RBFOX1: variants seen among roughly 807,000 people sequenced by gnomAD.
RBFOX1 encodes RNA binding protein fox-1 homolog 1.
In RBFOX1, 8 loss-of-function variants were observed where a neutral mutation model predicts 57.7. The ratio of observed to expected loss-of-function variants is 0.14; its 90% CI spans 0.08 to 0.25. The LOEUF is 0.25. RBFOX1 is among the 10% of genes least tolerant of loss of function. The pLI is 1.00. For synonymous variants in RBFOX1, 326 were observed against 222.4 expected, an observed-to-expected ratio of 1.47 and a Z score of -4.15; for missense variants, 611 against 548.5, an observed-to-expected ratio of 1.11 and a Z score of -1.14.
rs71406388 is a variant in RBFOX1, at chr16:6,655,373, C to CAAAAAAAAAAAAAAAAAAAAAAAAA, written c.-16+729_-16+753dup. 2.1e-4 allele frequency among the ~76,000 whole-genome samples: 7 copies of CAAAAAAAAAAAAAAAAAAAAAAAAA among 33,686 alleles called. 2 individuals are homozygous for CAAAAAAAAAAAAAAAAAAAAAAAAA. The highest frequency in any genetic ancestry group is 2.8e-4 in the Non-Finnish European group (5 of 17,624). 22.1% of individuals were successfully genotyped at this position (33,686 alleles called of 152,430 possible). A position where few individuals can be genotyped will look rare whatever the true frequency, so the allele number is the denominator to read the frequency against. The stretch of plus-strand genomic sequence containing the variant: ...TGAGTGACAAAATAAGCCTCCGTTT[C>CAAAAAAAAAAAAAAAAAAAAAAAAA]AAAAAAAAAAAAAAAAAAAAAAAAA... On this transcript the variant is annotated intron_variant, in intron 3 of 15. Transcript: ENST00000550418.
chr16:5,377,119 C>T (rs76123262), intron 1 of RBFOX1, among the ~76,000 whole-genome samples: 1 of 151,722 alleles, frequency 6.6e-6, no homozygotes, highest in African/African-American at 2.4e-5. Context: ...CTTAGTCATG[C>T]AGTTGAAAGC....
At chr16:7,627,573 A>G (rs1320785818) in intron 10 of RBFOX1, among the ~76,000 whole-genome samples, 2 of 152,234 alleles carry the variant, frequency 1.3e-5, no homozygotes, top group African/African-American at 4.8e-5. Flanking sequence ...AGTGGACTCA[A>G]TGAAGAGCTA....
chr16:5,709,586 C>T (rs1226141269), intron 3 of RBFOX1, among the ~76,000 whole-genome samples: 2 of 151,466 alleles, frequency 1.3e-5, no homozygotes, highest in East Asian at 2.0e-4. Flanking sequence ...CTCCTCCTGA[C>T]ACTTCCTGTT....
intron 3 of RBFOX1, among the ~76,000 whole-genome samples, chr16:6,726,503 T>G (rs1425479313): frequency 1.3e-5 from 2 of 152,036 alleles, no homozygotes; most frequent in Admixed American, 6.6e-5. Flanking sequence ...TATCACTAGA[T>G]AAACTGAAAT....
intron 3 of RBFOX1, among the ~76,000 whole-genome samples, chr16:6,868,619 A>C (rs1345097600): frequency 6.6e-6 from 1 of 151,976 alleles, no homozygotes; most frequent in Non-Finnish European, 1.5e-5. Flanking sequence ...TTATAGGCAC[A>C]CACCACCACG....
At chr16:6,504,233 C>T (rs1455327122) in intron 2 of RBFOX1, among the ~76,000 whole-genome samples, 1 of 152,174 alleles carries the variant, frequency 6.6e-6, no homozygotes, top group Non-Finnish European at 1.5e-5. Flanking sequence ...GGTGTTCTGA[C>T]AAGTATGTCG....
chr16:7,098,535 T>A (rs935420348), intron 4 of RBFOX1, among the ~76,000 whole-genome samples: 2 of 152,218 alleles, frequency 1.3e-5, no homozygotes, highest in Non-Finnish European at 2.9e-5. Flanking sequence ...CTTTACTTTA[T>A]TGAAATGTAA....
At chr16:7,247,828 G>T (rs1276788841) in intron 4 of RBFOX1, among the ~76,000 whole-genome samples, 2 of 152,116 alleles carry the variant, frequency 1.3e-5, no homozygotes, top group South Asian at 2.1e-4. Context: ...TATAAGTGGG[G>T]GCTAAATGAT....
chr16:6,637,618 T>C (rs1012531494), intron 2 of RBFOX1, among the ~76,000 whole-genome samples: 2 of 69,484 alleles, frequency 2.9e-5, no homozygotes, highest in African/African-American at 8.4e-5. Context: ...TGCATTTAAC[T>C]TGAAAAGGTT....
intron 3 of RBFOX1, among the ~76,000 whole-genome samples, chr16:5,758,393 G>T (rs144693783): frequency 6.6e-6 from 1 of 152,288 alleles, no homozygotes; most frequent in African/African-American, 2.4e-5. Flanking sequence ...TTGGTCCCTA[G>T]GTTGGGCATG....
rs1443156236 is a variant in RBFOX1 at position 6,578,080 on chromosome 16, ATAAGT to A, written c.-63-76520_-63-76516del. On this transcript the variant is annotated intron_variant, in intron 2 of 15. Transcript: ENST00000550418. ...CTGTGTTACAACAAAAAATAAGGTA[ATAAGT>A]TAGTCCTCAAGCATCTTGCAGTTCA... is the stretch of plus-strand genomic sequence containing the variant. Among the ~76,000 whole-genome samples, 7 of 152,204 alleles carry A rather than the reference ATAAGT, an allele frequency of 4.6e-5. 1 individual carries two copies. The highest frequency in any genetic ancestry group is 1.7e-4 in the African/African-American group (7 of 41,458).
intron 2 of RBFOX1, among the ~76,000 whole-genome samples, chr16:6,566,685 A>G (rs886684130): frequency 6.6e-6 from 1 of 152,194 alleles, no homozygotes; most frequent in Admixed American, 6.5e-5. Flanking sequence ...CCACAGGCTA[A>G]ATCAGTATTC....
At chr16:5,384,712 C>T (rs1043566403) in intron 1 of RBFOX1, among the ~76,000 whole-genome samples, 2 of 152,150 alleles carry the variant, frequency 1.3e-5, no homozygotes, top group African/African-American at 4.8e-5. Context: ...TCAGGAGGTT[C>T]TCAGGGGTTG....
intron 3 of RBFOX1, among the ~76,000 whole-genome samples, chr16:6,696,975 T>C (rs2061146818): frequency 6.6e-6 from 1 of 152,232 alleles, no homozygotes; most frequent in Non-Finnish European, 1.5e-5. Context: ...ATTATAATTC[T>C]GTACCAAATC....
intron 1 of RBFOX1, among the ~76,000 whole-genome samples, chr16:6,186,669 C>G (rs1262573127): frequency 4.6e-5 from 7 of 152,090 alleles, no homozygotes; most frequent in Non-Finnish European, 1.0e-4. Flanking sequence ...TGAGGAAAGA[C>G]TGAAGTCAGG....
chr16:6,858,025 C>T (rs145098691), intron 3 of RBFOX1, among the ~76,000 whole-genome samples: 1 of 152,190 alleles, frequency 6.6e-6, no homozygotes, highest in Non-Finnish European at 1.5e-5. Flanking sequence ...CAAGGCTTTT[C>T]TCTTCTACTC....
At chr16:7,710,446 T>C in intron 15 of RBFOX1, 177 bp from the exon 16 acceptor site, 1 of 1,433,312 alleles carries the variant, frequency 7.0e-7, no homozygotes, top group Non-Finnish European at 9.0e-7. Context: ...GAGGAGCTAT[T>C]GGGGAAGGTC....
chr16:7,625,758 C>T (rs1480956652), intron 10 of RBFOX1, among the ~76,000 whole-genome samples: 1 of 152,170 alleles, frequency 6.6e-6, no homozygotes, highest in East Asian at 1.9e-4. Flanking sequence ...AGGGAACGGG[C>T]AGACATTGCC....
chr16:5,928,979 C>T (rs952988674), intron 4 of RBFOX1, among the ~76,000 whole-genome samples: 2 of 149,674 alleles, frequency 1.3e-5, no homozygotes, highest in African/African-American at 2.5e-5. Context: ...GCAGATCCAG[C>T]TGTGAGCTGG....
Sources: gnomAD v4.1 joint callset for allele counts (sites outside exome capture counted in the v4.1 genomes callset) on GRCh38, gnomAD v4.1.1 for gene constraint, MANE v1.5 for transcripts, NCBI Gene and HGNC (gene_info 2026-07-23, HGNC 2026-07-21) for gene names.